TTC28: variants seen among roughly 807,000 people sequenced by gnomAD.
TTC28 encodes the protein tetratricopeptide repeat domain 28, also known as tetratricopeptide repeat protein 28.
In TTC28, 61 loss-of-function variants were observed where a neutral mutation model predicts 198.0. The observed-to-expected ratio is 0.31, with a 90% CI of 0.25 to 0.38. The LOEUF is 0.38. Ranked by LOEUF, TTC28 falls within the 10% of genes least tolerant of loss-of-function variation. TTC28 has a pLI of 1.00. For synonymous variants in TTC28, 1,171 were observed against 1,297.8 expected, an observed-to-expected ratio of 0.90 and a Z score of 2.10; for missense variants, 2,678 against 3,164.0, an observed-to-expected ratio of 0.85 and a Z score of 3.69.
intron 2 of TTC28, among the ~76,000 whole-genome samples, chr22:28,313,544 A>G (rs771171472): frequency 3.3e-5 from 5 of 152,238 alleles, no homozygotes; most frequent in Non-Finnish European, 7.3e-5. Context: ...CCTGGGATGC[A>G]AGGCTGGTTC....
chr22:28,588,494 G>A (rs1306986858), intron 2 of TTC28, among the ~76,000 whole-genome samples: 1 of 152,210 alleles, frequency 6.6e-6, no homozygotes, highest in Non-Finnish European at 1.5e-5. Flanking sequence ...AGAAAGGCAG[G>A]TGTCTCCACA....
chr22:28,017,125 G>A (rs1188257304), intron 13 of TTC28, among the ~76,000 whole-genome samples: 1 of 152,230 alleles, frequency 6.6e-6, no homozygotes, highest in Non-Finnish European at 1.5e-5. Flanking sequence ...GCCTGGAGAG[G>A]ATGGCTGCAG....
chr22:27,984,442 C>T (rs1000429694), intron 22 of TTC28, among the ~76,000 whole-genome samples: 16 of 152,076 alleles, frequency 1.1e-4, no homozygotes, highest in African/African-American at 3.6e-4. Flanking sequence ...CTGCCCTCAC[C>T]ACCCCCTCCT....
At chr22:28,410,328 T>C (rs1216984154) in intron 2 of TTC28, among the ~76,000 whole-genome samples, 1 of 152,214 alleles carries the variant, frequency 6.6e-6, no homozygotes, top group Non-Finnish European at 1.5e-5. Context: ...TTACTAAACA[T>C]AGGCATTTCC....
intron 5 of TTC28, among the ~76,000 whole-genome samples, chr22:28,193,234 G>A (rs540324823): frequency 6.6e-6 from 1 of 152,156 alleles, no homozygotes; most frequent in Non-Finnish European, 1.5e-5. Flanking sequence ...ACAAGCGAAT[G>A]CTGAGAGATT....
At chr22:28,046,398 T>C (rs537434333) in intron 12 of TTC28, among the ~76,000 whole-genome samples, 1 of 152,324 alleles carries the variant, frequency 6.6e-6, no homozygotes, top group South Asian at 2.1e-4. Context: ...CTTTAGAGCA[T>C]GTTATTGTAC....
chr22:28,470,965 A>G (rs942716767), intron 2 of TTC28, among the ~76,000 whole-genome samples: 1 of 152,210 alleles, frequency 6.6e-6, no homozygotes, highest in African/African-American at 2.4e-5. Context: ...TCAACAGAGA[A>G]GCCAAAATAT....
intron 1 of TTC28, among the ~76,000 whole-genome samples, chr22:28,672,462 G>A (rs541993720): frequency 3.9e-4 from 59 of 152,064 alleles, no homozygotes; most frequent in African/African-American, 1.3e-3. Context: ...CACCGCGCCC[G>A]GCCAATTTTT....
At chr22:27,983,955 GA>G in intron 22 of TTC28, 104 bp from the exon 23 acceptor site, 1 of 1,217,060 alleles carries the variant, frequency 8.2e-7, no homozygotes, top group Admixed American at 2.9e-5. Flanking sequence ...AGCTAGCAAA[GA>G]ATTATGCAAG....
In TTC28 at chr22:28,107,355, C is replaced by T. The variant is rs746369369; in HGVS notation, c.2490G>A (p.Pro830=). Reference sequence around the variant, plus strand: ...TGCCATAGACCTGGGCTTCCAGACTCGGATCCTTCAGCTTTTGCCCTAGAT... The same window carrying T: ...TGCCATAGACCTGGGCTTCCAGACTTGGATCCTTCAGCTTTTGCCCTAGAT... The part of the protein sequence containing the change: ...QLDLGQKLKD[P]SLEAQVYGNM... The change falls in exon 7 of 23, where the codon CCG becomes CCA. Residue 830 remains proline, a synonymous_variant. Coordinates refer to ENST00000397906, the MANE Select transcript of TTC28 (RefSeq NM_001145418.2). 3 of 1,551,966 alleles carry T rather than the reference C, an allele frequency of 1.9e-6. No homozygotes were observed. The highest frequency in any genetic ancestry group is 1.4e-5 in the African/African-American group (1 of 73,174).
chr22:28,543,353 A>G (rs1027491123), intron 2 of TTC28, among the ~76,000 whole-genome samples: 2 of 151,724 alleles, frequency 1.3e-5, no homozygotes, highest in African/African-American at 4.8e-5. Context: ...AGAAAGAAGG[A>G]GAAGAAAGGA....
In TTC28 at chr22:28,629,846, CTT is replaced by C. The variant is rs1253567515; in HGVS notation, c.103-18_103-17del. ...AGAGAGGAATCTACAAACAAAGAAA[CTT>C]TATCAGAAAAAGTTCAGATAATCCA... On this transcript the variant is annotated splice_polypyrimidine_tract_variant and intron_variant, in intron 1 of 22. Coordinates refer to ENST00000397906, the MANE Select transcript of TTC28 (RefSeq NM_001145418.2). 1.1e-5 allele frequency: 17 copies of C among 1,537,108 alleles called. No individual in the cohort carries two copies. The highest frequency in any genetic ancestry group is 7.9e-6 in the Non-Finnish European group (9 of 1,140,972).
intron 2 of TTC28, among the ~76,000 whole-genome samples, chr22:28,523,897 A>G (rs897190256): frequency 1.3e-5 from 2 of 152,184 alleles, no homozygotes; most frequent in Admixed American, 1.3e-4. Flanking sequence ...AGAGCTTCAC[A>G]TTAATAATCT....
At chr22:28,347,793 A>G (rs1344286341) in intron 2 of TTC28, among the ~76,000 whole-genome samples, 1 of 152,240 alleles carries the variant, frequency 6.6e-6, no homozygotes, top group Non-Finnish European at 1.5e-5. Context: ...TAATTGCTGG[A>G]ACCCAGGAGG....
chr22:28,171,674 A>G (rs953557275), intron 5 of TTC28, among the ~76,000 whole-genome samples: 1 of 150,794 alleles, frequency 6.6e-6, no homozygotes, highest in East Asian at 1.9e-4. Context: ...TTATCATTTC[A>G]CAGATGTTCT....
intron 2 of TTC28, among the ~76,000 whole-genome samples, chr22:28,594,513 G>A (rs1208025487): frequency 6.8e-6 from 1 of 147,750 alleles, no homozygotes. Flanking sequence ...GTACCCTGGG[G>A]CAGAAAAAAA....
chr22:28,576,051 T>C (rs1038403382), intron 2 of TTC28, among the ~76,000 whole-genome samples: 5 of 152,150 alleles, frequency 3.3e-5, no homozygotes, highest in Non-Finnish European at 7.4e-5. Flanking sequence ...GTGGTGAAAG[T>C]GGGCATCTTT....
intron 6 of TTC28, among the ~76,000 whole-genome samples, chr22:28,138,191 T>C (rs1943246453): frequency 6.6e-6 from 1 of 152,190 alleles, no homozygotes; most frequent in Non-Finnish European, 1.5e-5. Flanking sequence ...TGGAATGAAC[T>C]ACAGTATCAA....
At chr22:28,528,192 TC>T (rs1331563714) in intron 2 of TTC28, among the ~76,000 whole-genome samples, 1 of 152,220 alleles carries the variant, frequency 6.6e-6, no homozygotes, top group African/African-American at 2.4e-5. Context: ...GATTATCTTT[TC>T]TTCAGTTTCA....
Sources: allele counts gnomAD v4.1 joint callset (sites outside exome capture counted in the v4.1 genomes callset), GRCh38; gene constraint gnomAD v4.1.1; transcripts MANE v1.5; gene names NCBI Gene and HGNC (gene_info 2026-07-23, HGNC 2026-07-21).